LYRM2: variants seen among roughly 807,000 people sequenced by gnomAD.
LYRM2 encodes LYR motif containing 2.
LYRM2 carries 8 observed loss-of-function variants against 11.6 expected under a neutral mutation model. That is an observed-to-expected ratio of 0.69 (90% CI 0.40 to 1.24). The LOEUF (loss-of-function observed/expected upper bound fraction) is 1.24, where lower values mean the gene tolerates loss of function less well. Ranked by LOEUF, LYRM2 falls within the 50% of genes most tolerant of loss-of-function variation. The pLI, the probability that LYRM2 is intolerant of heterozygous loss-of-function variation, is 0.01. For synonymous variants in LYRM2, 30 were observed against 36.4 expected, an observed-to-expected ratio of 0.83 and a Z score of 0.63; for missense variants, 117 against 102.9, an observed-to-expected ratio of 1.14 and a Z score of -0.59.
chr6:89,638,022 T>G (rs978440189), intron 1 of LYRM2, 140 bp from the exon 2 acceptor site: 4 of 957,012 alleles, frequency 4.2e-6, no homozygotes, highest in Admixed American at 2.6e-5. Flanking sequence ...TTTTTTTTTC[T>G]TTTTTTGGCC....
Position 89,638,684 on chromosome 6 carries a change from T to C in LYRM2, c.33A>G (p.Leu11=). The change falls in exon 1 of 3, where the codon CTA becomes CTG. Residue 11 remains leucine (L), a synonymous_variant. Coordinates refer to ENST00000523377, the MANE Select transcript of LYRM2 (RefSeq NM_020466.5). ...GAACCGCCGGTACCTGCTTTAACGT[T>C]AGCGTCGCTGGGGGTAAGCGGGAAG... is the stretch of plus-strand genomic sequence containing the variant. MAASRLPPAT[L]TLKQFVRRQQ... is the part of the protein sequence containing the mutation. 1 of 1,614,052 alleles carries C rather than the reference T, an allele frequency of 6.2e-7. No homozygotes were observed. Among genetic ancestry groups the C allele is most frequent in the Non-Finnish European group, 8.5e-7 (1 of 1,179,918 alleles).
chr6:89,638,217 T>C (rs1808069789), intron 1 of LYRM2: 1 of 973,886 alleles, frequency 1.0e-6, no homozygotes, highest in Non-Finnish European at 1.3e-6. Flanking sequence ...ATCTGATCTT[T>C]TTGCTTACTG....
intron 1 of LYRM2, chr6:89,638,468 C>T (rs1396533126): frequency 1.6e-5 from 24 of 1,483,520 alleles, no homozygotes; most frequent in Non-Finnish European, 2.0e-5. Context: ...CTGTCTCACG[C>T]GATCGCACCA....
Position 89,635,977 on chromosome 6 carries a change from T to C in LYRM2, c.*1296A>G. On this transcript the variant is annotated 3_prime_UTR_variant, in exon 3 of 3. Coordinates refer to ENST00000523377, the MANE Select transcript of LYRM2 (RefSeq NM_020466.5). ...TTCCCTTTTCAACAAAGATCTAGAT[T>C]CCCAGTGGTGATCTTTTTGATGAGT... is the stretch of plus-strand genomic sequence containing the variant. 9 of 170,016 alleles carry C rather than the reference T, an allele frequency of 5.3e-5. 1 individual carries two copies. In the Middle Eastern group the frequency reaches 5.4e-3, roughly 102 times the overall value. 10.5% of individuals were successfully genotyped at this position (170,016 alleles called of 1,614,324 possible). A position where few individuals can be genotyped will look rare whatever the true frequency, so the allele number is the denominator to read the frequency against.
At chr6:89,637,411 T>C in intron 2 of LYRM2, 58 bp from the exon 3 acceptor site, 2 of 1,112,176 alleles carry the variant, frequency 1.8e-6, no homozygotes, top group Non-Finnish European at 2.7e-6. Flanking sequence ...GGTATAGCTA[T>C]ACCATTTTAT....
intron 1 of LYRM2, 44 bp downstream of exon 1, chr6:89,638,616 GAGAATCCAGCTC>G: frequency 1.2e-6 from 2 of 1,612,454 alleles, no homozygotes; most frequent in African/African-American, 2.7e-5. Flanking sequence ...GGGACAGATG[GAGAATCCAGCTC>G]AGACCCAGGT....
rs1315730304 is a variant in LYRM2, at chr6:89,633,704, A to G, written c.*3569T>C. ...TGGTTATGCCTTGTTTGTGGAGTCA[A>G]GTGTTGATATACTTGAGGCATGTTA... On this transcript the variant is annotated 3_prime_UTR_variant, in exon 3 of 3. Coordinates refer to ENST00000523377, the MANE Select transcript of LYRM2 (RefSeq NM_020466.5). 6.6e-6 allele frequency: 1 copy of G among 152,216 alleles called. No individual in the cohort carries two copies. The highest frequency in any genetic ancestry group is 6.5e-5 in the Admixed American group (1 of 15,278). The allele number at this position is 152,216 out of a possible 1,614,324, so 9.4% of individuals were successfully genotyped here.
At position 89,635,053 on chromosome 6, in the gene LYRM2, C is replaced by A. The variant is rs1324759883; in HGVS notation, c.*2220G>T. On this transcript the variant is annotated 3_prime_UTR_variant, in exon 3 of 3. Transcript: ENST00000523377. ...GTGTAAGCCACAGTGCCCGGCCTTA[C>A]CTGCTTTAAAAAACAAAAAAACTTA... 5 of 77,252 alleles carry A rather than the reference C, an allele frequency of 6.5e-5. No homozygotes were observed. The highest frequency in any genetic ancestry group is 1.7e-4 in the Admixed American group (1 of 5,732). The allele number at this position is 77,252 out of a possible 1,614,324, so 4.8% of individuals were successfully genotyped here. A position where few individuals can be genotyped will look rare whatever the true frequency, so the allele number is the denominator to read the frequency against.
chr6:89,633,019 T>G lies in LYRM2; in HGVS notation c.*4254A>C, dbSNP rs1235566943. 1 of 152,226 alleles carries G rather than the reference T, an allele frequency of 6.6e-6. No homozygotes were observed. Among genetic ancestry groups the G allele is most frequent in the East Asian group, 1.9e-4 (1 of 5,202 alleles). 9.4% of individuals were successfully genotyped at this position (152,226 alleles called of 1,614,324 possible). A position where few individuals can be genotyped will look rare whatever the true frequency, so the allele number is the denominator to read the frequency against. On this transcript the variant is annotated 3_prime_UTR_variant, in exon 3 of 3. Transcript: ENST00000523377. The stretch of plus-strand genomic sequence containing the variant: ...AAAACTAAATTTTAAGTATCAAGTC[T>G]AGACCATAGAGTGCTTTGGTGGGAG...
Position 89,633,729 on chromosome 6 carries a change from ATG to A in LYRM2, c.*3542_*3543del, listed in dbSNP as rs1447745412. On this transcript the variant is annotated 3_prime_UTR_variant, in exon 3 of 3. Transcript: ENST00000523377. ...AGTGTTGATATACTTGAGGCATGTT[ATG>A]TGTCTTCTAATTAATATTTTTATCA... 1 of 152,204 alleles carries A rather than the reference ATG, an allele frequency of 6.6e-6. No individual in the cohort carries two copies. The highest frequency in any genetic ancestry group is 2.4e-5 in the African/African-American group (1 of 41,446). The allele number at this position is 152,204 out of a possible 1,614,324, so 9.4% of individuals were successfully genotyped here.
chr6:89,632,839 T>C lies in LYRM2; in HGVS notation c.*4434A>G, dbSNP rs141580958. On this transcript the variant is annotated 3_prime_UTR_variant, in exon 3 of 3. Transcript: ENST00000523377. ...TCAAACAGGATATCACTAACCTCTTTAGAATCATTCCTCAGTATACATCAA... is the reference window on the plus strand; with the variant it reads ...TCAAACAGGATATCACTAACCTCTTCAGAATCATTCCTCAGTATACATCAA... 1.3e-5 allele frequency: 2 copies of C among 152,344 alleles called. No individual in the cohort carries two copies. Among genetic ancestry groups the C allele is most frequent in the African/African-American group, 4.8e-5 (2 of 41,582 alleles). The allele number at this position is 152,344 out of a possible 1,614,324, so 9.4% of individuals were successfully genotyped here.
intron 2 of LYRM2, 61 bp downstream of exon 2, chr6:89,637,681 A>T (rs765730789): frequency 4.5e-6 from 7 of 1,565,000 alleles, no homozygotes; most frequent in Non-Finnish European, 6.1e-6. Context: ...AACTTAAAAA[A>T]AAAAATTCAC....
chr6:89,637,266 G>A lies in LYRM2; in HGVS notation c.*7C>T, dbSNP rs999437088. 2.9e-5 allele frequency: 39 copies of A among 1,326,148 alleles called. No individual in the cohort carries two copies. The highest frequency in any genetic ancestry group is 3.6e-5 in the Non-Finnish European group (33 of 921,544). 82.1% of individuals were successfully genotyped at this position (1,326,148 alleles called of 1,614,324 possible). On this transcript the variant is annotated 3_prime_UTR_variant, in exon 3 of 3. Coordinates refer to ENST00000523377, the MANE Select transcript of LYRM2 (RefSeq NM_020466.5). ...GACTTTGAAAATCCTTCAGAATAAT[G>A]CTATAGTTAAGATTTTGCTAAAGCA...
rs1807988023 is a variant in LYRM2 at position 89,635,765 on chromosome 6, T to C, written c.*1508A>G. On this transcript the variant is annotated 3_prime_UTR_variant, in exon 3 of 3. Transcript: ENST00000523377. ...GCCTTGAAGTCAATTTTGGTTGTAA[T>C]GTATTTGTCTCTGACGTATTCTTCA... 6.6e-6 allele frequency: 1 copy of C among 152,272 alleles called. No homozygotes were observed. Among genetic ancestry groups the C allele is most frequent in the Non-Finnish European group, 1.5e-5 (1 of 68,058 alleles). 9.4% of individuals were successfully genotyped at this position (152,272 alleles called of 1,614,324 possible).
rs1807825651 is a variant in LYRM2 at position 89,633,563 on chromosome 6, G to C, written c.*3710C>G. On this transcript the variant is annotated 3_prime_UTR_variant, in exon 3 of 3. Coordinates refer to ENST00000523377, the MANE Select transcript of LYRM2 (RefSeq NM_020466.5). ...AACACAGAAATACTGTACAGTATTA[G>C]TGTTTTTTTAAAGAAATTGTTAGTG... 6.6e-6 allele frequency: 1 copy of C among 152,194 alleles called. No individual in the cohort carries two copies. Among genetic ancestry groups the C allele is most frequent in the Non-Finnish European group, 1.5e-5 (1 of 68,034 alleles). The allele number at this position is 152,194 out of a possible 1,614,324, so 9.4% of individuals were successfully genotyped here. A position where few individuals can be genotyped will look rare whatever the true frequency, so the allele number is the denominator to read the frequency against.
rs1808031995 is a variant in LYRM2 at position 89,637,293 on chromosome 6, G to GT, written c.246dup (p.Leu83ThrfsTer13). 1 of 1,574,568 alleles carries GT rather than the reference G, an allele frequency of 6.4e-7. No individual in the cohort carries two copies. The highest frequency in any genetic ancestry group is 1.3e-5 in the African/African-American group (1 of 74,166). On this transcript the variant is annotated frameshift_variant, in exon 3 of 3. Transcript: ENST00000523377. LOFTEE classifies it high-confidence loss of function. Reference sequence around the variant, plus strand: ...TATAGTTAAGATTTTGCTAAAGCAAGTGTTTTTTCTAACTCCTTGAGCTGC... The same window carrying GT: ...TATAGTTAAGATTTTGCTAAAGCAAGTTGTTTTTTCTAACTCCTTGAGCTGC...
At position 89,635,857 on chromosome 6, in the gene LYRM2, T is replaced by C. The variant is rs1434342093; in HGVS notation, c.*1416A>G. 1.3e-5 allele frequency: 2 copies of C among 152,484 alleles called. No individual in the cohort carries two copies. The highest frequency in any genetic ancestry group is 2.9e-5 in the Non-Finnish European group (2 of 68,066). The allele number at this position is 152,484 out of a possible 1,614,324, so 9.4% of individuals were successfully genotyped here. A position where few individuals can be genotyped will look rare whatever the true frequency, so the allele number is the denominator to read the frequency against. On this transcript the variant is annotated 3_prime_UTR_variant, in exon 3 of 3. Transcript: ENST00000523377. ...CAGAATCTTATTTTTACTACTTCCA[T>C]GTGAATGTTAAGGTACTCACAGAGG...
In LYRM2 at chr6:89,637,362, T is replaced by C; in HGVS notation, c.187-9A>G. Reference sequence around the variant, plus strand: ...ATCATCCGGATTGTATCCTGTAGAATAAAGTGAAATCTGGTTATAGTTTTA... The same window carrying C: ...ATCATCCGGATTGTATCCTGTAGAACAAAGTGAAATCTGGTTATAGTTTTA... On this transcript the variant is annotated splice_polypyrimidine_tract_variant and intron_variant, in intron 2 of 2. Coordinates refer to ENST00000523377, the MANE Select transcript of LYRM2 (RefSeq NM_020466.5). 6.4e-7 allele frequency: 1 copy of C among 1,569,738 alleles called. No individual in the cohort carries two copies. Among genetic ancestry groups the C allele is most frequent in the South Asian group, 1.1e-5 (1 of 89,748 alleles).
chr6:89,637,408 C>G (rs1382165318), intron 2 of LYRM2, 55 bp from the exon 3 acceptor site: 3 of 1,140,036 alleles, frequency 2.6e-6, no homozygotes, highest in Non-Finnish European at 3.9e-6. Flanking sequence ...CAAGGTATAG[C>G]TATACCATTT....
Sources: allele counts gnomAD v4.1 joint callset, GRCh38; gene constraint gnomAD v4.1.1; transcripts MANE v1.5; gene names NCBI Gene and HGNC (gene_info 2026-07-23, HGNC 2026-07-21).